Variants in RIC8B observed in about 807,000 individuals in gnomAD.
The protein encoded by RIC8B is chaperone Ric-8B.
Under a neutral mutation model 57.5 loss-of-function variants are expected in RIC8B, and 16 were observed. The observed-to-expected ratio is 0.28, with a 90% CI of 0.19 to 0.42. RIC8B has a LOEUF of 0.42. Ranked by LOEUF, RIC8B falls within the 10% of genes least tolerant of loss-of-function variation. The pLI is 1.00. For synonymous variants in RIC8B, 216 were observed against 250.8 expected (o/e 0.86, Z 1.31); for missense variants, 481 against 677.0 (o/e 0.71, Z 3.21).
chr12:106,882,690 C>G (rs1190127371), intron 9 of RIC8B, among the ~76,000 whole-genome samples: 1 of 152,116 alleles, frequency 6.6e-6, no homozygotes, highest in African/African-American at 2.4e-5. Flanking sequence ...ACATTGCTGC[C>G]TTAATTCATT....
intron 2 of RIC8B, among the ~76,000 whole-genome samples, chr12:106,789,590 C>G (rs980529514): frequency 1.1e-4 from 16 of 152,004 alleles, no homozygotes; most frequent in African/African-American, 3.9e-4. Flanking sequence ...ATGAGATAAA[C>G]CCATCAGCTT....
At chr12:106,797,620 C>A (rs1435986165) in intron 2 of RIC8B, among the ~76,000 whole-genome samples, 1 of 152,268 alleles carries the variant, frequency 6.6e-6, no homozygotes, top group Admixed American at 6.5e-5. Flanking sequence ...CAATGAATTG[C>A]ATGCTTTAAC....
At chr12:106,824,907 CAAAA>C (rs975951710) in intron 3 of RIC8B, among the ~76,000 whole-genome samples, 39 of 140,528 alleles carry the variant, frequency 2.8e-4, no homozygotes, top group African/African-American at 9.7e-4. Context: ...AACTCCATCT[CAAAA>C]AAAAAAAGAA....
intron 6 of RIC8B, among the ~76,000 whole-genome samples, chr12:106,847,382 G>A (rs970855057): frequency 1.3e-4 from 20 of 152,030 alleles, no homozygotes; most frequent in African/African-American, 2.2e-4. Flanking sequence ...TTCTGTACTC[G>A]AGGTACTATA....
rs1739341512 is a variant in RIC8B at position 106,879,307 on chromosome 12, T to C, written c.1572-6597T>C. On this transcript the variant is annotated intron_variant, in intron 9 of 9. Coordinates refer to ENST00000392837, the MANE Select transcript of RIC8B (RefSeq NM_001330145.2). This position sits in a 1 kb window ranked among gnomAD's most constrained non-coding sequence, Gnocchi z 4.9. ...TGCTTTCAGGTCAAGTAAAGTGTTT[T>C]ATACACATACACGTCTGACCTATTC... The C allele has an allele frequency of 3.0e-6, 3 of 985,288 alleles. No homozygotes were observed. The highest frequency in any genetic ancestry group is 3.6e-6 in the Non-Finnish European group (3 of 829,926). The allele number at this position is 985,288 out of a possible 1,614,324, so 61.0% of individuals were successfully genotyped here.
intron 3 of RIC8B, among the ~76,000 whole-genome samples, chr12:106,823,981 C>T (rs993958903): frequency 5.9e-5 from 9 of 152,094 alleles, no homozygotes; most frequent in African/African-American, 1.7e-4. Flanking sequence ...CCACGGCACC[C>T]GACTCGTATG....
At chr12:106,882,174 T>C (rs1404612955) in intron 9 of RIC8B, among the ~76,000 whole-genome samples, 1 of 152,174 alleles carries the variant, frequency 6.6e-6, no homozygotes, top group East Asian at 1.9e-4. Context: ...TGTAAGCACT[T>C]AAGGGACAGG....
chr12:106,815,286 T>C lies in RIC8B; in HGVS notation c.723T>C (p.Ser241=), dbSNP rs971906113. ...LKALFNVTVD[S]WKVHKESDSH... ...CTCTCTTCAATGTGACGGTAGACAGTTGGAAGGTGCATAAAGAGGTAAGGT... is the reference window on the plus strand; with the variant it reads ...CTCTCTTCAATGTGACGGTAGACAGCTGGAAGGTGCATAAAGAGGTAAGGT... Residue 241 remains serine (S), a synonymous_variant, in exon 3 of 10, where the codon AGT becomes AGC. Transcript: ENST00000392837. 1 of 1,612,330 alleles carries C rather than the reference T, an allele frequency of 6.2e-7. No homozygotes were observed. Among genetic ancestry groups the C allele is most frequent in the Non-Finnish European group, 8.5e-7 (1 of 1,179,386 alleles).
Position 106,815,184 on chromosome 12 carries a change from G to C in RIC8B, c.621G>C (p.Glu207Asp). 6.2e-7 allele frequency: 1 copy of C among 1,614,240 alleles called. No homozygotes were observed. The highest frequency in any genetic ancestry group is 8.5e-7 in the Non-Finnish European group (1 of 1,180,048). ...CCTTTAGCATCAAGTGGACCGATGA[G>C]TATGAATCGGCCATAGACCATAATG... ...ESAFSIKWTD[E>D]YESAIDHNGP... Residue 207 changes from glutamate to aspartate, a missense_variant, in exon 3 of 10, where the codon GAG becomes GAC. Coordinates refer to ENST00000392837, the MANE Select transcript of RIC8B (RefSeq NM_001330145.2).
In RIC8B at chr12:106,842,654, C is replaced by T. The variant is rs1213087238; in HGVS notation, c.902C>T (p.Thr301Ile). 3 of 1,613,838 alleles carry T rather than the reference C, an allele frequency of 1.9e-6. No homozygotes were observed. The highest frequency in any genetic ancestry group is 2.5e-6 in the Non-Finnish European group (3 of 1,179,906). The change falls in exon 5 of 10, where the codon ACC becomes ATC. Residue 301 changes from threonine (T) to isoleucine (I), a missense_variant. Physicochemically the swap from Thr to Ile is moderately conservative, Grantham distance 89. Coordinates refer to ENST00000392837, the MANE Select transcript of RIC8B (RefSeq NM_001330145.2). ...SCLDVLICPLTHEETAQEATT... is the reference protein window; with the variant it reads ...SCLDVLICPLIHEETAQEATT... The stretch of plus-strand genomic sequence containing the variant: ...TTGGATGTTCTCATTTGTCCGTTAA[C>T]CCATGAAGAAACAGCCCAAGAGGCA...
intron 2 of RIC8B, among the ~76,000 whole-genome samples, chr12:106,809,384 G>A (rs2045221247): frequency 6.6e-6 from 1 of 152,024 alleles, no homozygotes; most frequent in South Asian, 2.1e-4. Flanking sequence ...ATTAGCAGGC[G>A]TGGTGGTGTG....
chr12:106,867,516 G>A lies in RIC8B; in HGVS notation c.1452-3307G>A, dbSNP rs533327581. 1.3e-5 allele frequency among the ~76,000 whole-genome samples: 2 copies of A among 152,294 alleles called. No homozygotes were observed. Among genetic ancestry groups the A allele is most frequent in the African/African-American group, 2.4e-5 (1 of 41,558 alleles). ...AAAACTAACTCCAGAATTTCATAGC[G>A]TTAAGATTGAAACCTGGACTGTGGC... is the stretch of plus-strand genomic sequence containing the variant. On this transcript the variant is annotated intron_variant, in intron 8 of 9. Transcript: ENST00000392837. The surrounding 1 kb of genome is among the most constrained non-coding windows in gnomAD (Gnocchi z 4.3).
chr12:106,841,702 A>G (rs959659231), intron 4 of RIC8B, among the ~76,000 whole-genome samples: 1 of 152,174 alleles, frequency 6.6e-6, no homozygotes, highest in African/African-American at 2.4e-5. Context: ...AGGAAGTTCT[A>G]AGGCACAGGC....
At chr12:106,832,876 C>T (rs1227645618) in intron 4 of RIC8B, among the ~76,000 whole-genome samples, 2 of 152,270 alleles carry the variant, frequency 1.3e-5, no homozygotes, top group East Asian at 1.9e-4. Flanking sequence ...AAGGTTAATG[C>T]CCACACCTTT....
chr12:106,816,329 T>C (rs1225352620), intron 3 of RIC8B, among the ~76,000 whole-genome samples: 1 of 152,204 alleles, frequency 6.6e-6, no homozygotes, highest in Admixed American at 6.5e-5. Context: ...ATAGGGGGAA[T>C]ATGCAGACAT....
intron 2 of RIC8B, among the ~76,000 whole-genome samples, chr12:106,808,457 C>T (rs2045166225): frequency 6.6e-6 from 1 of 152,154 alleles, no homozygotes; most frequent in Admixed American, 6.5e-5. Context: ...GAAATGTGGT[C>T]TAGAACAGTG....
intron 4 of RIC8B, 86 bp downstream of exon 4, chr12:106,825,906 A>G: frequency 1.1e-6 from 1 of 883,114 alleles, no homozygotes; most frequent in Non-Finnish European, 1.9e-6. Flanking sequence ...TGTTATAAGC[A>G]CAAGAAAGTG....
chr12:106,784,061 C>T lies in RIC8B; in HGVS notation c.132+17C>T. The T allele has an allele frequency of 6.2e-7, 1 of 1,610,722 alleles. No homozygotes were observed. The highest frequency in any genetic ancestry group is 8.5e-7 in the Non-Finnish European group (1 of 1,177,248). ...AAAAGAAAGGTAAGCCTTGGTGTTG[C>T]TCTGTGAATGTTTATGTGTGTGTGT... is the stretch of plus-strand genomic sequence containing the variant. On this transcript the variant is annotated intron_variant, in intron 2 of 9. Coordinates refer to ENST00000392837, the MANE Select transcript of RIC8B (RefSeq NM_001330145.2).
At chr12:106,808,717 G>T (rs772398507) in intron 2 of RIC8B, among the ~76,000 whole-genome samples, 1 of 152,178 alleles carries the variant, frequency 6.6e-6, no homozygotes, top group Non-Finnish European at 1.5e-5. Context: ...ATTCTTCTAA[G>T]TAGCACTTGC....
Sources: gnomAD v4.1 joint callset for allele counts (sites outside exome capture counted in the v4.1 genomes callset) on GRCh38, gnomAD v4.1.1 for gene constraint, Gnocchi (gnomAD v3.1) non-coding constraint, MANE v1.5 for transcripts, NCBI Gene and HGNC (gene_info 2026-07-23, HGNC 2026-07-21) for gene names.